Variants in TANGO6 observed in about 807,000 individuals in gnomAD.
TANGO6 encodes transport and Golgi organization protein 6 homolog.
TANGO6 carries 90 observed loss-of-function variants against 114.2 expected under a neutral mutation model. The ratio of observed to expected loss-of-function variants is 0.79; its 90% CI spans 0.66 to 0.94. The LOEUF (loss-of-function observed/expected upper bound fraction) is 0.94. Among genes scored for constraint, TANGO6 ranks in the 40% least tolerant of loss-of-function variants. The pLI is 0.00. For missense variants in TANGO6, 1,274 were observed against 1,315.3 expected, an observed-to-expected ratio of 0.97 and a Z score of 0.49; for synonymous variants, 477 against 509.8, an observed-to-expected ratio of 0.94 and a Z score of 0.87.
intron 8 of TANGO6, among the ~76,000 whole-genome samples, chr16:68,901,768 G>C (rs566708859): frequency 6.6e-6 from 1 of 152,142 alleles, no homozygotes; most frequent in African/African-American, 2.4e-5. Flanking sequence ...GATTACAGGC[G>C]TGAGCCACCG....
At chr16:68,949,245 G>C (rs1458864508) in intron 14 of TANGO6, among the ~76,000 whole-genome samples, 1 of 152,212 alleles carries the variant, frequency 6.6e-6, no homozygotes, top group Admixed American at 6.5e-5. Flanking sequence ...TACTGAGAGC[G>C]TGAGTTAAGT....
At chr16:68,941,418 G>A (rs1401552773) in intron 14 of TANGO6, among the ~76,000 whole-genome samples, 1 of 151,614 alleles carries the variant, frequency 6.6e-6, no homozygotes, top group Non-Finnish European at 1.5e-5. Flanking sequence ...TTTTATTAGA[G>A]TCTTGGAAAT....
At chr16:68,855,107 T>C (rs1239193915) in intron 1 of TANGO6, among the ~76,000 whole-genome samples, 1 of 151,398 alleles carries the variant, frequency 6.6e-6, no homozygotes, top group Non-Finnish European at 1.5e-5. Context: ...CCTGGGAGGC[T>C]GAGGCAGGAG....
intron 17 of TANGO6, among the ~76,000 whole-genome samples, chr16:69,044,374 G>T (rs147534662): frequency 2.0e-5 from 3 of 152,088 alleles, no homozygotes; most frequent in African/African-American, 7.2e-5. Flanking sequence ...GGTGACTCAC[G>T]CCTGTAATCC....
intron 15 of TANGO6, among the ~76,000 whole-genome samples, chr16:68,980,431 A>ATTT (rs1202654361): frequency 1.4e-4 from 11 of 75,928 alleles, no homozygotes; most frequent in African/African-American, 4.4e-4. Context: ...ATATATATAT[A>ATTT]TATATTTTTT....
chr16:68,893,149 C>T (rs938220829), intron 7 of TANGO6, among the ~76,000 whole-genome samples: 7 of 151,966 alleles, frequency 4.6e-5, no homozygotes, highest in Non-Finnish European at 1.0e-4. Flanking sequence ...TTTTTTTCAA[C>T]TAGTCTCACG....
At chr16:69,047,032 T>C (rs2152236128) in intron 17 of TANGO6, among the ~76,000 whole-genome samples, 1 of 150,286 alleles carries the variant, frequency 6.7e-6, no homozygotes, top group South Asian at 2.1e-4. Flanking sequence ...AATACAAAGA[T>C]TAGCTGGGCG....
chr16:69,070,604 G>A (rs1202868242), intron 17 of TANGO6, among the ~76,000 whole-genome samples: 2 of 146,284 alleles, frequency 1.4e-5, no homozygotes, highest in Admixed American at 7.0e-5. Flanking sequence ...CTACACTCCA[G>A]CCCGGGTGAC....
rs1020699538 is a variant in TANGO6, at chr16:68,971,082, G to A, written c.2702-2946G>A. ...GCAGGAGAATTGCTTGAACCGGGAGGTGGAAGTTGCAGTGAGCCGAGATCA... is the reference window on the plus strand; with the variant it reads ...GCAGGAGAATTGCTTGAACCGGGAGATGGAAGTTGCAGTGAGCCGAGATCA... On this transcript the variant is annotated intron_variant, in intron 14 of 17. Transcript: ENST00000261778. Among the ~76,000 whole-genome samples the A allele has an allele frequency of 4.6e-5, 7 of 151,694 alleles. 1 individual carries two copies. In the South Asian group the frequency reaches 8.3e-4, roughly 18 times the overall value.
At position 69,084,750 on chromosome 16, in the gene TANGO6, G is replaced by C. The variant is rs1960513418; in HGVS notation, c.*1089G>C. ...CCTCAGCTTTGCAGGGCTAGGTACAGAATTTTATCACAGGATTTTATCACG... is the reference window on the plus strand; with the variant it reads ...CCTCAGCTTTGCAGGGCTAGGTACACAATTTTATCACAGGATTTTATCACG... On this transcript the variant is annotated 3_prime_UTR_variant, in exon 18 of 18. Coordinates refer to ENST00000261778, the MANE Select transcript of TANGO6 (RefSeq NM_024562.2). The C allele has an allele frequency of 6.6e-6, 1 of 152,358 alleles. No individual in the cohort carries two copies. The highest frequency in any genetic ancestry group is 2.4e-5 in the African/African-American group (1 of 41,466). The allele number at this position is 152,358 out of a possible 1,614,324, so 9.4% of individuals were successfully genotyped here. A position where few individuals can be genotyped will look rare whatever the true frequency, so the allele number is the denominator to read the frequency against.
intron 11 of TANGO6, among the ~76,000 whole-genome samples, chr16:68,912,811 C>G (rs903713196): frequency 6.6e-6 from 1 of 150,814 alleles, no homozygotes. Context: ...TGTGGTGGCT[C>G]ACGCCTGTAA....
At chr16:69,059,938 C>T (rs1457739748) in intron 17 of TANGO6, among the ~76,000 whole-genome samples, 1 of 152,080 alleles carries the variant, frequency 6.6e-6, no homozygotes, top group Non-Finnish European at 1.5e-5. Flanking sequence ...TAATCTGGAC[C>T]CACCTGCCTT....
At chr16:68,885,407 T>TC (rs1361055127) in intron 7 of TANGO6, among the ~76,000 whole-genome samples, 2 of 152,298 alleles carry the variant, frequency 1.3e-5, no homozygotes, top group African/African-American at 4.8e-5. Context: ...ATATTTTTGT[T>TC]CCCCTTAAAA....
At chr16:68,878,538 T>C (rs987951449) in intron 6 of TANGO6, among the ~76,000 whole-genome samples, 1 of 152,200 alleles carries the variant, frequency 6.6e-6, no homozygotes, top group African/African-American at 2.4e-5. Context: ...CATATAAACA[T>C]GTCTTTTCTG....
intron 17 of TANGO6, among the ~76,000 whole-genome samples, chr16:69,056,227 T>C (rs1363701331): frequency 5.3e-5 from 8 of 152,040 alleles, no homozygotes; most frequent in Admixed American, 2.0e-4. Context: ...TAGATCTACA[T>C]GTGTTAGAAT....
intron 16 of TANGO6, among the ~76,000 whole-genome samples, chr16:69,023,523 T>C (rs1450161819): frequency 6.6e-6 from 1 of 152,186 alleles, no homozygotes; most frequent in Non-Finnish European, 1.5e-5. Context: ...AAAGTCATCT[T>C]AACCTACCTT....
At chr16:68,856,368 A>G (rs1369844505) in intron 1 of TANGO6, among the ~76,000 whole-genome samples, 1 of 152,180 alleles carries the variant, frequency 6.6e-6, no homozygotes, top group Non-Finnish European at 1.5e-5. Context: ...TTCTCCTTAT[A>G]CTGTTAATAA....
intron 2 of TANGO6, among the ~76,000 whole-genome samples, chr16:68,860,783 T>G (rs1482933644): frequency 1.3e-5 from 2 of 152,184 alleles, no homozygotes; most frequent in Non-Finnish European, 2.9e-5. Context: ...TGTTTTTCTT[T>G]GAGCCTCTGT....
intron 15 of TANGO6, among the ~76,000 whole-genome samples, chr16:69,004,594 T>G (rs932675372): frequency 1.3e-5 from 2 of 152,032 alleles, no homozygotes; most frequent in Admixed American, 1.3e-4. Context: ...GACCTTGTGA[T>G]CCGCCCGCCT....
Sources: allele counts gnomAD v4.1 joint callset (sites outside exome capture counted in the v4.1 genomes callset), GRCh38; gene constraint gnomAD v4.1.1; transcripts MANE v1.5; gene names NCBI Gene and HGNC (gene_info 2026-07-23, HGNC 2026-07-21).